The following SPTLC3 variants were observed in gnomAD, a reference collection of about 807,000 sequenced individuals.
SPTLC3 encodes the protein serine palmitoyltransferase long chain base subunit 3, also known as serine palmitoyltransferase 3.
A neutral mutation model predicts 59.3 loss-of-function variants in SPTLC3; 36 were observed. The ratio of observed to expected loss-of-function variants is 0.61; its 90% confidence interval spans 0.47 to 0.80. SPTLC3 has a LOEUF of 0.80. Among genes scored for constraint, SPTLC3 ranks in the 30% least tolerant of loss-of-function variants. The pLI is 0.00. For synonymous variants in SPTLC3, 257 were observed against 240.8 expected (o/e 1.07, Z -0.62); for missense variants, 625 against 685.1 (o/e 0.91, Z 0.98).
intron 11 of SPTLC3, among the ~76,000 whole-genome samples, chr20:13,160,441 T>C (rs1299074171): frequency 6.6e-6 from 1 of 152,226 alleles, no homozygotes; most frequent in Admixed American, 6.5e-5. Context: ...TGGTCTAAAA[T>C]GCTGTTTTAG....
chr20:13,068,763 A>AC (rs397795362), intron 2 of SPTLC3, among the ~76,000 whole-genome samples: 1 of 131,736 alleles, frequency 7.6e-6, no homozygotes, highest in African/African-American at 2.8e-5. Flanking sequence ...AAAAAAAAAA[A>AC]CAACAACAAC....
At chr20:13,010,751 A>C (rs1985199308) in intron 1 of SPTLC3, among the ~76,000 whole-genome samples, 1 of 152,200 alleles carries the variant, frequency 6.6e-6, no homozygotes, top group Non-Finnish European at 1.5e-5. Flanking sequence ...CTATTCATCT[A>C]CTTACCCTTG....
chr20:13,119,890 T>C (rs978579469), intron 8 of SPTLC3, among the ~76,000 whole-genome samples: 1 of 152,224 alleles, frequency 6.6e-6, no homozygotes, highest in African/African-American at 2.4e-5. Flanking sequence ...TACACACCTG[T>C]GTGGAATGAT....
chr20:13,104,427 T>C (rs1193276335), intron 6 of SPTLC3, among the ~76,000 whole-genome samples: 2 of 152,158 alleles, frequency 1.3e-5, no homozygotes, highest in Non-Finnish European at 2.9e-5. Flanking sequence ...GCTCCCACTC[T>C]CTCGTCTGCC....
chr20:13,086,241 T>C (rs530549703), intron 4 of SPTLC3, among the ~76,000 whole-genome samples: 1 of 152,196 alleles, frequency 6.6e-6, no homozygotes, highest in South Asian at 2.1e-4. Flanking sequence ...CCTGAATCAA[T>C]GTTTGTAGAA....
intron 1 of SPTLC3, among the ~76,000 whole-genome samples, chr20:13,040,756 C>T (rs192231290): frequency 4.0e-5 from 6 of 151,586 alleles, no homozygotes; most frequent in African/African-American, 9.7e-5. Context: ...CCCTTTAGTA[C>T]TTCTTGAAAG....
At chr20:13,150,431 G>T (rs8117306) in intron 9 of SPTLC3, among the ~76,000 whole-genome samples, 35,775 of 152,022 alleles carry the variant, frequency 0.24, 4,536 homozygotes, top group South Asian at 0.44. Flanking sequence ...TGCAGATTTA[G>T]AATTGGGGAT....
chr20:13,075,843 G>A (rs1409978322), intron 4 of SPTLC3, among the ~76,000 whole-genome samples: 2 of 152,228 alleles, frequency 1.3e-5, no homozygotes, highest in Non-Finnish European at 2.9e-5. Context: ...CCCCAACTCA[G>A]TGAGACAGAA....
At chr20:13,117,370 G>A in intron 7 of SPTLC3, 136 bp from the exon 8 acceptor site, 1 of 804,310 alleles carries the variant, frequency 1.2e-6, no homozygotes, top group Non-Finnish European at 1.9e-6. Flanking sequence ...GGTTGTCTCA[G>A]CCAAATAAAA....
In SPTLC3 at chr20:13,049,140, C is replaced by T. The variant is rs150634000; in HGVS notation, c.303+10C>T. ...AAGAAAAGAACAAAAAGTACGTATG[C>T]GCACCTCCCTGGATCTTTGTCAATG... On this transcript the variant is annotated intron_variant, in intron 2 of 11. Coordinates refer to ENST00000399002, the MANE Select transcript of SPTLC3 (RefSeq NM_018327.4). 2.3e-3 allele frequency: 3,647 copies of T among 1,611,840 alleles called. 28 individuals are homozygous for T. Among genetic ancestry groups the T allele is most frequent in the Middle Eastern group, 0.016 (95 of 6,044 alleles).
chr20:13,014,429 G>T (rs1448520477), intron 1 of SPTLC3, among the ~76,000 whole-genome samples: 1 of 152,164 alleles, frequency 6.6e-6, no homozygotes, highest in Non-Finnish European at 1.5e-5. Flanking sequence ...TCCAGCAGAG[G>T]GAAAGGCTGT....
chr20:13,079,239 G>T (rs1334064537), intron 4 of SPTLC3, among the ~76,000 whole-genome samples: 1 of 152,152 alleles, frequency 6.6e-6, no homozygotes, highest in Non-Finnish European at 1.5e-5. Flanking sequence ...AACAGGCAGG[G>T]TAGAGGTGGG....
intron 9 of SPTLC3, among the ~76,000 whole-genome samples, chr20:13,145,808 C>G (rs1418747619): frequency 6.6e-6 from 1 of 152,158 alleles, no homozygotes; most frequent in East Asian, 1.9e-4. Flanking sequence ...ACCAATGGAA[C>G]AGAATAGAGT....
At chr20:13,126,802 C>A in intron 9 of SPTLC3, 85 bp downstream of exon 9, 1 of 1,515,778 alleles carries the variant, frequency 6.6e-7, no homozygotes, top group Non-Finnish European at 8.9e-7. Context: ...CAAATACACA[C>A]CTTTATCTTA....
intron 2 of SPTLC3, among the ~76,000 whole-genome samples, chr20:13,056,165 C>T (rs944478395): frequency 1.4e-4 from 21 of 152,166 alleles, no homozygotes; most frequent in African/African-American, 7.2e-5. Context: ...CTGCTCGAAC[C>T]GCCCCACAGG....
chr20:13,086,011 C>T (rs1183425610), intron 4 of SPTLC3, among the ~76,000 whole-genome samples: 2 of 151,852 alleles, frequency 1.3e-5, no homozygotes, highest in Non-Finnish European at 1.5e-5. Context: ...CAATCTATGG[C>T]TGTTATTGAC....
chr20:13,065,752 A>AT (rs986939501), intron 2 of SPTLC3, among the ~76,000 whole-genome samples: 4 of 151,646 alleles, frequency 2.6e-5, no homozygotes, highest in African/African-American at 9.7e-5. Flanking sequence ...ACATATATGC[A>AT]TTTTTTTACT....
intron 8 of SPTLC3, among the ~76,000 whole-genome samples, chr20:13,125,866 T>G (rs1354954763): frequency 6.6e-6 from 1 of 152,218 alleles, no homozygotes; most frequent in Non-Finnish European, 1.5e-5. Context: ...TAATCCGCCT[T>G]TTGATGGAAG....
chr20:13,158,320 C>T (rs2038820079), intron 10 of SPTLC3, among the ~76,000 whole-genome samples: 1 of 152,118 alleles, frequency 6.6e-6, no homozygotes, highest in Non-Finnish European at 1.5e-5. Flanking sequence ...CTTAAGAACA[C>T]TAGCTTTAGT....
Sources: allele counts gnomAD v4.1 joint callset (sites outside exome capture counted in the v4.1 genomes callset), GRCh38; gene constraint gnomAD v4.1.1; transcripts MANE v1.5; gene names NCBI Gene and HGNC (gene_info 2026-07-23, HGNC 2026-07-21).